The following CFAP221 variants were observed in gnomAD, a reference collection of about 807,000 sequenced individuals.
CFAP221 encodes the protein cilia- and flagella-associated protein 221.
CFAP221 carries 97 observed loss-of-function variants against 113.1 expected under a neutral mutation model. The ratio of observed to expected loss-of-function variants is 0.86; its 90% CI spans 0.73 to 1.02. CFAP221 has a LOEUF of 1.02. Among genes scored for constraint, CFAP221 ranks in the 50% least tolerant of loss-of-function variants. The probability of loss-of-function intolerance (pLI) is 0.00; values close to 1 mark genes in which losing one functional copy is unlikely to be tolerated. For synonymous variants in CFAP221, 331 were observed against 354.4 expected (o/e 0.93, Z 0.74); for missense variants, 1,025 against 1,013.4 (o/e 1.01, Z -0.16).
chr2:119,571,508 G>A, intron 6 of CFAP221, among the ~76,000 whole-genome samples: 1 of 151,624 alleles, frequency 6.6e-6, no homozygotes, highest in Non-Finnish European at 1.5e-5. Flanking sequence ...AGGCTAGAGG[G>A]CAGTGTCAGG....
intron 12 of CFAP221, among the ~76,000 whole-genome samples, chr2:119,610,221 G>A (rs1685055710): frequency 6.6e-6 from 1 of 152,200 alleles, no homozygotes; most frequent in Non-Finnish European, 1.5e-5. Flanking sequence ...CAAGGAGGAT[G>A]AGCAGGCAGC....
chr2:119,602,641 T>A (rs1411412035), intron 8 of CFAP221: 1 of 985,276 alleles, frequency 1.0e-6, no homozygotes, highest in Admixed American at 6.1e-5. Context: ...CTGTAGGATA[T>A]TAGTGTGGCC....
intron 8 of CFAP221, among the ~76,000 whole-genome samples, chr2:119,603,620 G>A (rs1045778624): frequency 5.9e-5 from 9 of 152,068 alleles, no homozygotes; most frequent in African/African-American, 2.2e-4. Context: ...GTACTGTCAT[G>A]GAAAACAAAT....
chr2:119,642,411 G>A (rs555333690), intron 21 of CFAP221, among the ~76,000 whole-genome samples: 177 of 152,258 alleles, frequency 1.2e-3, no homozygotes, highest in Middle Eastern at 3.4e-3. Context: ...CTGGAGACTG[G>A]GAAGTCCGAG....
At chr2:119,575,868 A>T (rs1682408813) in intron 6 of CFAP221, among the ~76,000 whole-genome samples, 2 of 152,316 alleles carry the variant, frequency 1.3e-5, no homozygotes, top group South Asian at 4.1e-4. Flanking sequence ...CTTGTTCTGA[A>T]TTCAAGTTAG....
chr2:119,580,652 A>G (rs1240040023), intron 6 of CFAP221: 3 of 152,216 alleles, frequency 2.0e-5, no homozygotes, highest in Non-Finnish European at 4.4e-5. Context: ...CAAACAAAAT[A>G]TAAAGAGACC....
intron 6 of CFAP221, among the ~76,000 whole-genome samples, chr2:119,583,272 G>A (rs1270488945): frequency 6.6e-6 from 1 of 151,696 alleles, no homozygotes. Flanking sequence ...TTCCAGTAAA[G>A]TCAAAATAAG....
intron 6 of CFAP221, among the ~76,000 whole-genome samples, chr2:119,562,741 T>C (rs1039459537): frequency 6.6e-6 from 1 of 152,198 alleles, no homozygotes; most frequent in African/African-American, 2.4e-5. Context: ...TAAAAGTCTG[T>C]CCCTAGATGG....
chr2:119,613,929 A>T (rs184210220), intron 13 of CFAP221, among the ~76,000 whole-genome samples: 1 of 152,120 alleles, frequency 6.6e-6, no homozygotes, highest in Non-Finnish European at 1.5e-5. Flanking sequence ...TCCAAACCAT[A>T]TCTTCGTGAA....
chr2:119,657,468 A>G (rs1390916767), downstream of CFAP221, among the ~76,000 whole-genome samples: 1 of 152,218 alleles, frequency 6.6e-6, no homozygotes, highest in African/African-American at 2.4e-5. Context: ...CCCTTCACTC[A>G]CAGGGCAGGA....
At chr2:119,572,537 A>G (rs1455874467) in intron 6 of CFAP221, 2 of 701,558 alleles carry the variant, frequency 2.9e-6, no homozygotes, top group Admixed American at 2.0e-5. Flanking sequence ...CATGCTCTGT[A>G]GTTTACCCAA....
chr2:119,579,632 A>G (rs972749234), intron 6 of CFAP221, among the ~76,000 whole-genome samples: 16 of 152,194 alleles, frequency 1.1e-4, no homozygotes, highest in Non-Finnish European at 1.3e-4. Flanking sequence ...GGTACTTGGA[A>G]TTTTGTGCCC....
intron 16 of CFAP221, among the ~76,000 whole-genome samples, chr2:119,629,507 G>A (rs922417314): frequency 5.3e-5 from 8 of 152,222 alleles, no homozygotes; most frequent in African/African-American, 1.4e-4. Flanking sequence ...ATGCAGTGCC[G>A]TTCAGATGAG....
intron 2 of CFAP221, 92 bp downstream of exon 2, chr2:119,546,362 T>A: frequency 3.0e-6 from 4 of 1,343,046 alleles, no homozygotes; most frequent in Non-Finnish European, 4.0e-6. Context: ...TAGTGCTGAT[T>A]TATCTATATC....
chr2:119,600,389 G>A (rs971728662), intron 7 of CFAP221, among the ~76,000 whole-genome samples: 2 of 152,154 alleles, frequency 1.3e-5, no homozygotes, highest in South Asian at 2.1e-4. Context: ...TTGTATGTGC[G>A]TTCCTAGCTT....
intron 5 of CFAP221, 124 bp from the exon 6 acceptor site, chr2:119,561,890 C>T: frequency 1.4e-6 from 1 of 719,964 alleles, no homozygotes; most frequent in South Asian, 1.7e-5. Flanking sequence ...TAGTTAAGCG[C>T]TGAAGTTTCT....
intron 19 of CFAP221, among the ~76,000 whole-genome samples, chr2:119,634,976 C>T (rs1057001591): frequency 1.3e-5 from 2 of 152,056 alleles, no homozygotes; most frequent in African/African-American, 4.8e-5. Context: ...TTGTTACCAC[C>T]ATATAATAAA....
At chr2:119,563,558 C>T (rs1008037172) in intron 6 of CFAP221, among the ~76,000 whole-genome samples, 1 of 152,190 alleles carries the variant, frequency 6.6e-6, no homozygotes, top group African/African-American at 2.4e-5. Context: ...TGCCTCCTCC[C>T]CATTGATGCA....
At chr2:119,618,490 G>C (rs1050633215) in intron 14 of CFAP221, among the ~76,000 whole-genome samples, 29 of 152,114 alleles carry the variant, frequency 1.9e-4, no homozygotes, top group Middle Eastern at 3.2e-3. Context: ...AGGGGTTGGG[G>C]AACTCCCTCC....
Sources: allele counts gnomAD v4.1 joint callset (sites outside exome capture counted in the v4.1 genomes callset), GRCh38; gene constraint gnomAD v4.1.1; transcripts MANE v1.5; gene names NCBI Gene and HGNC (gene_info 2026-07-23, HGNC 2026-07-21).